HPCAL1: variants seen among roughly 807,000 people sequenced by gnomAD.
HPCAL1 encodes hippocalcin like 1, also known as hippocalcin-like protein 1.
In HPCAL1, 8 loss-of-function variants were observed where a neutral mutation model predicts 17.1. That is an observed-to-expected ratio of 0.47 (90% CI 0.27 to 0.84). HPCAL1 has a LOEUF of 0.84. Among genes scored for constraint, HPCAL1 ranks in the 40% least tolerant of loss-of-function variants. HPCAL1 has a pLI of 0.13. For missense variants in HPCAL1, 165 were observed against 271.1 expected (o/e 0.61, Z 2.75); for synonymous variants, 112 against 111.4 (o/e 1.01, Z -0.03).
chr2:10,405,815 T>C (rs867106219), intron 2 of HPCAL1, among the ~76,000 whole-genome samples: 1 of 152,204 alleles, frequency 6.6e-6, no homozygotes, highest in Non-Finnish European at 1.5e-5. Flanking sequence ...GAGGGACTGA[T>C]GAAGGGGCGT....
intron 1 of HPCAL1, among the ~76,000 whole-genome samples, chr2:10,321,853 G>C (rs1021418539): frequency 1.3e-5 from 2 of 152,096 alleles, no homozygotes; most frequent in African/African-American, 4.8e-5. Flanking sequence ...ACCACATTTT[G>C]TTTATCCATT....
At position 10,331,526 on chromosome 2, in the gene HPCAL1, A is replaced by T. The variant is rs894670352; in HGVS notation, c.-111+28349A>T. 8.5e-5 allele frequency among the ~76,000 whole-genome samples: 13 copies of T among 152,116 alleles called. No individual in the cohort carries two copies. Among genetic ancestry groups the T allele is most frequent in the Non-Finnish European group, 1.3e-4 (9 of 68,004 alleles). ...CAGCAGCGAGGTTTTCCGGGGCAGGAACACCCTCCCAGGAGCTTTTCCACG... is the reference window on the plus strand; with the variant it reads ...CAGCAGCGAGGTTTTCCGGGGCAGGTACACCCTCCCAGGAGCTTTTCCACG... On this transcript the variant is annotated intron_variant, in intron 1 of 4. Coordinates refer to ENST00000307845, the MANE Select transcript of HPCAL1 (RefSeq NM_002149.4). This position sits in a 1 kb window ranked among gnomAD's most constrained non-coding sequence, Gnocchi z 5.0.
intron 1 of HPCAL1, among the ~76,000 whole-genome samples, chr2:10,390,555 G>A (rs1379956198): frequency 6.6e-6 from 1 of 151,968 alleles, no homozygotes; most frequent in East Asian, 1.9e-4. Flanking sequence ...TAATTATGTT[G>A]GATTTCCTAA....
intron 1 of HPCAL1, among the ~76,000 whole-genome samples, chr2:10,321,226 T>C (rs923242553): frequency 6.6e-6 from 1 of 152,090 alleles, no homozygotes; most frequent in African/African-American, 2.4e-5. Context: ...CCACACACTT[T>C]TAAACAACCA....
At chr2:10,339,637 C>A (rs1446145665) in intron 1 of HPCAL1, among the ~76,000 whole-genome samples, 2 of 152,216 alleles carry the variant, frequency 1.3e-5, no homozygotes, top group Non-Finnish European at 2.9e-5. Context: ...GCGTGAGCCA[C>A]CGCGCCCAGC....
In HPCAL1 at chr2:10,310,628, G is replaced by T. The variant is rs1388288377; in HGVS notation, c.-111+7451G>T. 5.9e-5 allele frequency among the ~76,000 whole-genome samples: 9 copies of T among 152,134 alleles called. No individual in the cohort carries two copies. Among genetic ancestry groups the T allele is most frequent in the African/African-American group, 2.2e-4 (9 of 41,430 alleles). On this transcript the variant is annotated intron_variant, in intron 1 of 4. Coordinates refer to ENST00000307845, the MANE Select transcript of HPCAL1 (RefSeq NM_002149.4). The surrounding 1 kb of genome is among the most constrained non-coding windows in gnomAD (Gnocchi z 4.5). ...AGAGACCCTGAGCTTGGTGGTGGGG[G>T]TTGCACAGAGAGAGCTGCAGGTTGT...
intron 1 of HPCAL1, among the ~76,000 whole-genome samples, chr2:10,355,564 G>C (rs942451653): frequency 6.8e-6 from 1 of 146,084 alleles, no homozygotes; most frequent in African/African-American, 2.5e-5. Context: ...AATGTAAAAA[G>C]TTGTTCAGTG....
chr2:10,378,912 G>C (rs1667764497), intron 1 of HPCAL1, among the ~76,000 whole-genome samples: 1 of 152,172 alleles, frequency 6.6e-6, no homozygotes, highest in Admixed American at 6.5e-5. Context: ...ATTTCTTCTG[G>C]TCAGTATTCA....
At position 10,342,047 on chromosome 2, in the gene HPCAL1, G is replaced by A. The variant is rs1189241035; in HGVS notation, c.-111+38870G>A. The stretch of plus-strand genomic sequence containing the variant: ...CCAGATGTGGTGGTGGTGTGCTCCT[G>A]TAGTCCCAGCTACTTGGGAGGCTAA... On this transcript the variant is annotated intron_variant, in intron 1 of 4. Transcript: ENST00000307845. The surrounding 1 kb of genome is among the most constrained non-coding windows in gnomAD (Gnocchi z 4.1). Among the ~76,000 whole-genome samples, 4 of 150,314 alleles carry A rather than the reference G, an allele frequency of 2.7e-5. No individual in the cohort carries two copies. Among genetic ancestry groups the A allele is most frequent in the Non-Finnish European group, 5.9e-5 (4 of 67,680 alleles).
At position 10,426,910 on chromosome 2, in the gene HPCAL1, C is replaced by T. The variant is rs556598860; in HGVS notation, c.*89C>T. ...CAAGAGTGGATGCCCCGCAATCGTTCCTGCTCTCCCGGGCCCCGGGCCTGG... is the reference window on the plus strand; with the variant it reads ...CAAGAGTGGATGCCCCGCAATCGTTTCTGCTCTCCCGGGCCCCGGGCCTGG... On this transcript the variant is annotated 3_prime_UTR_variant, in exon 5 of 5. Transcript: ENST00000307845. 2.1e-4 allele frequency: 262 copies of T among 1,272,836 alleles called. 1 individual carries two copies. The highest frequency in any genetic ancestry group is 1.8e-3 in the Middle Eastern group (7 of 3,940). The allele number at this position is 1,272,836 out of a possible 1,614,324, so 78.8% of individuals were successfully genotyped here.
chr2:10,399,241 TCACCACC>T lies in HPCAL1; in HGVS notation c.-25+2322_-25+2328del, dbSNP rs1558517520. On this transcript the variant is annotated intron_variant, in intron 2 of 4. Coordinates refer to ENST00000307845, the MANE Select transcript of HPCAL1 (RefSeq NM_002149.4). ...ACCACCACCACCACCACCACCACCATCACCACCACCACCACCACCATCACCACCACCA... is the reference window on the plus strand; with the variant it reads ...ACCACCACCACCACCACCACCACCATACCACCACCACCATCACCACCACCA... Among the ~76,000 whole-genome samples the T allele has an allele frequency of 2.4e-3, 29 of 12,058 alleles. 2 individuals carry two copies. Among genetic ancestry groups the T allele is most frequent in the African/African-American group, 5.6e-3 (23 of 4,098 alleles). The allele number at this position is 12,058 out of a possible 152,430, so 7.9% of individuals were successfully genotyped here.
At chr2:10,319,302 A>T (rs1663522001) in intron 1 of HPCAL1, among the ~76,000 whole-genome samples, 1 of 152,162 alleles carries the variant, frequency 6.6e-6, no homozygotes, top group Admixed American at 6.5e-5. Context: ...AGAGGCCTGG[A>T]GGCTTGCAGG....
At chr2:10,417,302 G>A (rs1032779653) in intron 2 of HPCAL1, among the ~76,000 whole-genome samples, 6 of 151,844 alleles carry the variant, frequency 4.0e-5, no homozygotes, top group Non-Finnish European at 7.4e-5. Context: ...GGCGGAGGTT[G>A]CAGTGAGCTG....
intron 1 of HPCAL1, chr2:10,368,785 G>A (rs1458461988): frequency 6.6e-6 from 1 of 152,188 alleles, no homozygotes; most frequent in Non-Finnish European, 1.5e-5. Flanking sequence ...TGTTTACTGA[G>A]CTTTCTCCGC....
At chr2:10,309,185 C>T (rs138403572) in intron 1 of HPCAL1, among the ~76,000 whole-genome samples, 54 of 152,240 alleles carry the variant, frequency 3.5e-4, no homozygotes, top group African/African-American at 1.1e-3. Flanking sequence ...CAGGTACACA[C>T]CACCATGCCT....
At chr2:10,390,143 A>G (rs1431099166) in intron 1 of HPCAL1, among the ~76,000 whole-genome samples, 1 of 152,190 alleles carries the variant, frequency 6.6e-6, no homozygotes, top group Non-Finnish European at 1.5e-5. Context: ...GGCACTAGTC[A>G]TGACCACTCG....
intron 1 of HPCAL1, among the ~76,000 whole-genome samples, chr2:10,357,060 C>G (rs1572708518): frequency 1.3e-5 from 2 of 152,254 alleles, no homozygotes; most frequent in South Asian, 4.1e-4. Flanking sequence ...CTGCAGTGAG[C>G]TATGATTGCA....
chr2:10,376,393 A>G (rs562861925), intron 1 of HPCAL1, among the ~76,000 whole-genome samples: 1 of 152,194 alleles, frequency 6.6e-6, no homozygotes, highest in South Asian at 2.1e-4. Context: ...GGATGAACTT[A>G]ATTGTGTGTA....
At chr2:10,402,210 C>A (rs1243223348) in intron 2 of HPCAL1, among the ~76,000 whole-genome samples, 1 of 152,162 alleles carries the variant, frequency 6.6e-6, no homozygotes, top group Non-Finnish European at 1.5e-5. Flanking sequence ...AGGAACTGAA[C>A]CTTGGTAGGA....
Sources: gnomAD v4.1 joint callset for allele counts (sites outside exome capture counted in the v4.1 genomes callset) on GRCh38, gnomAD v4.1.1 for gene constraint, Gnocchi (gnomAD v3.1) non-coding constraint, MANE v1.5 for transcripts, NCBI Gene and HGNC (gene_info 2026-07-23, HGNC 2026-07-21) for gene names.